The following USP28 variants were observed in gnomAD, a reference collection of about 807,000 sequenced individuals.
The protein encoded by USP28 is ubiquitin carboxyl-terminal hydrolase 28.
USP28 carries 113 observed loss-of-function variants against 145.0 expected under a neutral mutation model. That is an observed-to-expected ratio of 0.78 (90% CI 0.67 to 0.91). The LOEUF is 0.91. USP28 is among the 40% of genes least tolerant of loss of function. The probability of loss-of-function intolerance (pLI) is 0.00; values close to 1 mark genes in which losing one functional copy is unlikely to be tolerated. For synonymous variants in USP28, 447 were observed against 450.9 expected (o/e 0.99, Z 0.11); for missense variants, 1,201 against 1,289.6 (o/e 0.93, Z 1.05).
In USP28 at chr11:113,830,757, C is replaced by T. The variant is rs1344810270; in HGVS notation, c.910+110G>A. ...CAAGAGGCAGAACCAATATTCAGAG[C>T]TGAGTACTGCTGACTCTCAAGCCTA... On this transcript the variant is annotated intron_variant, in intron 9 of 24. Coordinates refer to ENST00000003302, the Ensembl canonical transcript of USP28. 3.2e-6 allele frequency: 3 copies of T among 952,014 alleles called. No individual in the cohort carries two copies. The Admixed American group carries it at 6.5e-5, about 21-fold the overall frequency. 59.0% of individuals were successfully genotyped at this position (952,014 alleles called of 1,614,324 possible).
chr11:113,810,552 C>G (rs1040930379), intron 16 of USP28, among the ~76,000 whole-genome samples: 8 of 152,220 alleles, frequency 5.3e-5, no homozygotes, highest in Admixed American at 1.3e-4. Context: ...GCTATTCATT[C>G]CTTCGCAGCA....
At chr11:113,867,544 T>A (rs1199990092) in intron 1 of USP28, among the ~76,000 whole-genome samples, 1 of 151,756 alleles carries the variant, frequency 6.6e-6, no homozygotes, top group African/African-American at 2.4e-5. Flanking sequence ...TAATTTTATG[T>A]TATATAAATT....
intron 3 of USP28, among the ~76,000 whole-genome samples, chr11:113,843,816 ACT>A (rs1280208506): frequency 5.9e-5 from 9 of 152,138 alleles, no homozygotes; most frequent in Non-Finnish European, 1.0e-4. Flanking sequence ...CCAGAAATAA[ACT>A]CTTACATTCC....
At chr11:113,862,898 C>A (rs1947840711) in intron 1 of USP28, among the ~76,000 whole-genome samples, 1 of 152,074 alleles carries the variant, frequency 6.6e-6, no homozygotes, top group East Asian at 1.9e-4. Flanking sequence ...CAACATGATA[C>A]AGGGCCTTTA....
intron 3 of USP28, among the ~76,000 whole-genome samples, chr11:113,851,374 C>T (rs1946424217): frequency 6.6e-6 from 1 of 152,196 alleles, no homozygotes; most frequent in African/African-American, 2.4e-5. Context: ...ATGGCCCCAT[C>T]CCTTTCGGCC....
intron 14 of USP28, among the ~76,000 whole-genome samples, chr11:113,814,483 C>CATTAACCT (rs1309401026): frequency 6.6e-6 from 1 of 152,136 alleles, no homozygotes; most frequent in Non-Finnish European, 1.5e-5. Flanking sequence ...TCAAATACCT[C>CATTAACCT]ATTAACCTTC....
At chr11:113,810,655 T>G (rs1940823949) in intron 16 of USP28, among the ~76,000 whole-genome samples, 1 of 152,212 alleles carries the variant, frequency 6.6e-6, no homozygotes, top group Non-Finnish European at 1.5e-5. Context: ...AAAGATAACG[T>G]GCTGCCTGGA....
chr11:113,799,109 G>A, exon 25 of USP28: 1 of 992,800 alleles, frequency 1.0e-6, no homozygotes, highest in Admixed American at 2.6e-5. Flanking sequence ...TACACATGCA[G>A]CATGGTTGGG....
intron 1 of USP28, among the ~76,000 whole-genome samples, chr11:113,864,010 G>A (rs1408891395): frequency 3.3e-5 from 5 of 151,750 alleles, no homozygotes; most frequent in Admixed American, 6.6e-5. Flanking sequence ...AAGCTGAGGC[G>A]GATGGATCAC....
exon 7 of USP28, chr11:113,833,543 G>A: frequency 6.2e-7 from 1 of 1,613,404 alleles, no homozygotes. Flanking sequence ...GCATAAACAT[G>A]ATATTTCTCT....
intron 1 of USP28, among the ~76,000 whole-genome samples, chr11:113,861,358 T>C (rs1455826163): frequency 2.6e-5 from 4 of 152,188 alleles, no homozygotes; most frequent in African/African-American, 9.6e-5. Flanking sequence ...CTAAATTCCC[T>C]GAAATAGACT....
exon 14 of USP28, chr11:113,815,185 T>G: frequency 6.2e-7 from 1 of 1,614,108 alleles, no homozygotes; most frequent in Non-Finnish European, 8.5e-7. Context: ...TTGTATATCT[T>G]GTTCAATCTC....
At chr11:113,866,847 T>C (rs1948299383) in intron 1 of USP28, among the ~76,000 whole-genome samples, 1 of 152,156 alleles carries the variant, frequency 6.6e-6, no homozygotes, top group Non-Finnish European at 1.5e-5. Flanking sequence ...TATATGAAAA[T>C]TCATAACAGA....
intron 23 of USP28, 91 bp from the exon 25 acceptor site, chr11:113,801,769 T>C (rs1939070151): frequency 1.9e-6 from 2 of 1,049,758 alleles, no homozygotes; most frequent in Non-Finnish European, 2.7e-6. Flanking sequence ...TCCCAAACTT[T>C]ACTGCACATT....
intron 8 of USP28, among the ~76,000 whole-genome samples, chr11:113,831,488 G>T (rs200778840): frequency 6.6e-6 from 1 of 152,110 alleles, no homozygotes; most frequent in African/African-American, 2.4e-5. Context: ...AGGGATATCC[G>T]TATCGTGCCC....
intron 5 of USP28, among the ~76,000 whole-genome samples, chr11:113,835,490 A>C (rs1944463366): frequency 6.6e-6 from 1 of 152,196 alleles, no homozygotes; most frequent in Non-Finnish European, 1.5e-5. Flanking sequence ...CTCTAACACA[A>C]GCCCTGGCGG....
At chr11:113,811,165 CTA>C (rs1348952244) in intron 16 of USP28, among the ~76,000 whole-genome samples, 4 of 152,210 alleles carry the variant, frequency 2.6e-5, no homozygotes, top group Non-Finnish European at 5.9e-5. Context: ...CATTTATTGA[CTA>C]TGTGATTACT....
intron 13 of USP28, among the ~76,000 whole-genome samples, chr11:113,816,475 T>C (rs533724291): frequency 6.6e-6 from 1 of 152,232 alleles, no homozygotes; most frequent in East Asian, 1.9e-4. Flanking sequence ...ATCATGCCAC[T>C]GTACTCCAGC....
chr11:113,872,520 G>A (rs1339926187), intron 1 of USP28, among the ~76,000 whole-genome samples: 3 of 152,134 alleles, frequency 2.0e-5, no homozygotes, highest in African/African-American at 4.8e-5. Flanking sequence ...GCATTTGGGG[G>A]CAGAGGGGCA....
Sources: allele counts gnomAD v4.1 joint callset (sites outside exome capture counted in the v4.1 genomes callset), GRCh38; gene constraint gnomAD v4.1.1; transcripts MANE v1.5; gene names NCBI Gene and HGNC (gene_info 2026-07-23, HGNC 2026-07-21).